The following MYOM2 variants were observed in gnomAD, a reference collection of about 807,000 sequenced individuals.
MYOM2 encodes the protein myomesin-2.
A neutral mutation model predicts 187.6 loss-of-function variants in MYOM2; 254 were observed. That is an observed-to-expected ratio of 1.35 (90% CI 1.22 to 1.50). The LOEUF is 1.50. Among genes scored for constraint, MYOM2 ranks in the 40% most tolerant of loss-of-function variants. The pLI is 0.00. For missense variants in MYOM2, 2,796 were observed against 1,924.0 expected (o/e 1.45, Z -8.48); for synonymous variants, 981 against 753.8 (o/e 1.30, Z -4.94).
chr8:2,109,481 G>A lies in MYOM2; in HGVS notation c.3130G>A (p.Asp1044Asn). The A allele has an allele frequency of 2.5e-6, 4 of 1,613,474 alleles. No homozygotes were observed. The highest frequency in any genetic ancestry group is 3.4e-6 in the Non-Finnish European group (4 of 1,179,700). Reference protein sequence around the residue: ...FWLQAEHLSPDASYRFIINDR... With the variant: ...FWLQAEHLSPNASYRFIINDR... Reference sequence around the variant, plus strand: ...GCTCCAGGCTGAGCACTTATCACCAGATGCCAGCTACCGATTTATTATTAA... The same window carrying A: ...GCTCCAGGCTGAGCACTTATCACCAAATGCCAGCTACCGATTTATTATTAA... Residue 1044 changes from aspartate (D) to asparagine (N), a missense_variant, in exon 25 of 37, where the codon GAT becomes AAT. Asp to Asn is a conservative substitution (Grantham distance 23). Transcript: ENST00000262113.
At position 2,145,425 on chromosome 8, in the gene MYOM2, C is replaced by G. The variant is rs1013292415; in HGVS notation, c.*444C>G. 2.0e-5 allele frequency: 4 copies of G among 203,500 alleles called. No homozygotes were observed. The highest frequency in any genetic ancestry group is 9.4e-5 in the African/African-American group (4 of 42,640). 12.6% of individuals were successfully genotyped at this position (203,500 alleles called of 1,614,324 possible). ...TGTTACCTGGTTAAGCTTGTTTTCT[C>G]TTGCTTTAGGCAAATAAAAGTTTAA... On this transcript the variant is annotated 3_prime_UTR_variant, in exon 37 of 37. Transcript: ENST00000262113.
chr8:2,065,668 C>A (rs1254364532), intron 6 of MYOM2, among the ~76,000 whole-genome samples: 1 of 152,028 alleles, frequency 6.6e-6, no homozygotes, highest in African/African-American at 2.4e-5. Flanking sequence ...TTCTCATTGC[C>A]CAATATTGAA....
At chr8:2,134,444 C>T (rs1003029376) in intron 32 of MYOM2, among the ~76,000 whole-genome samples, 2 of 152,166 alleles carry the variant, frequency 1.3e-5, no homozygotes, top group Admixed American at 6.5e-5. Flanking sequence ...TTCCTGGGAA[C>T]GTTATTATTT....
intron 25 of MYOM2, among the ~76,000 whole-genome samples, chr8:2,110,881 G>A (rs1051364255): frequency 1.3e-5 from 2 of 152,174 alleles, no homozygotes; most frequent in Non-Finnish European, 2.9e-5. Flanking sequence ...TCTCCAGTCA[G>A]TCTTTCCCAT....
chr8:2,098,845 A>G lies in MYOM2; in HGVS notation c.2314-12A>G, dbSNP rs776951796. On this transcript the variant is annotated splice_polypyrimidine_tract_variant and intron_variant, in intron 18 of 36. Transcript: ENST00000262113. ...TTTATCTCATGTATTAATTTAAACA[A>G]AATCTGAATAGGTGGACGGCTTGAC... is the stretch of plus-strand genomic sequence containing the variant. 4 of 1,603,956 alleles carry G rather than the reference A, an allele frequency of 2.5e-6. No homozygotes were observed. The highest frequency in any genetic ancestry group is 3.4e-6 in the Non-Finnish European group (4 of 1,172,360).
chr8:2,086,405 T>TGCGTGGCCCCCTACTGTCGTGATCTCC (rs1796060254), intron 14 of MYOM2, among the ~76,000 whole-genome samples: 1 of 100,314 alleles, frequency 1.0e-5, no homozygotes, highest in Non-Finnish European at 2.1e-5. Context: ...TTGTGATCTC[T>TGCGTGGCCCCCTACTGTCGTGATCTCC]GCGTGGCCTC....
chr8:2,079,975 A>G (rs1819565680), intron 13 of MYOM2, among the ~76,000 whole-genome samples: 1 of 152,172 alleles, frequency 6.6e-6, no homozygotes, highest in Non-Finnish European at 1.5e-5. Context: ...TGTGAAATCG[A>G]TTTCATTTTA....
chr8:2,064,474 C>T (rs537370754), intron 6 of MYOM2, among the ~76,000 whole-genome samples: 85 of 152,258 alleles, frequency 5.6e-4, no homozygotes, highest in African/African-American at 2.0e-3. Context: ...GATCTTTGCT[C>T]CGGTGACGGG....
At chr8:2,100,589 C>T (rs1354506299) in intron 19 of MYOM2, 2 of 420,288 alleles carry the variant, frequency 4.8e-6, no homozygotes, top group Non-Finnish European at 4.4e-6. Context: ...CACACCGTTC[C>T]TCTCTGTGAT....
chr8:2,099,189 G>C (rs181986193), intron 19 of MYOM2, among the ~76,000 whole-genome samples: 1 of 152,370 alleles, frequency 6.6e-6, no homozygotes, highest in African/African-American at 2.4e-5. Context: ...GCGTGGTCCA[G>C]AGGCCAGTGA....
chr8:2,058,946 C>T (rs1298505428), intron 5 of MYOM2, among the ~76,000 whole-genome samples: 1 of 152,226 alleles, frequency 6.6e-6, no homozygotes, highest in Non-Finnish European at 1.5e-5. Flanking sequence ...CCCTGAGAGT[C>T]TGAACGAGGA....
At position 2,144,859 on chromosome 8, in the gene MYOM2, G is replaced by A. The variant is rs775289426; in HGVS notation, c.4276G>A (p.Gly1426Arg). 97 of 1,614,034 alleles carry A rather than the reference G, an allele frequency of 6.0e-5. No homozygotes were observed. The highest frequency in any genetic ancestry group is 7.3e-5 in the Non-Finnish European group (86 of 1,180,046). ...CATCAACATCAAGAATAAGTATGGC[G>A]GGGAGAAGATCGACGTGACAGTGAG... ...YSINIKNKYG[G>R]EKIDVTVSVY... The change falls in exon 37 of 37, where the codon GGG becomes AGG. Residue 1426 changes from glycine to arginine, a missense_variant. Physicochemically the swap from Gly to Arg is moderately radical, Grantham distance 125 (BLOSUM62 -2). Transcript: ENST00000262113.
intron 13 of MYOM2, among the ~76,000 whole-genome samples, chr8:2,083,412 C>T (rs71499059): frequency 0.27 from 40,170 of 150,920 alleles, 5,460 homozygotes; most frequent in East Asian, 0.33. Context: ...AGTGGCATCT[C>T]ACGTGTGCTT....
intron 19 of MYOM2, 136 bp downstream of exon 19, chr8:2,099,119 G>C (rs1447993173): frequency 8.2e-7 from 1 of 1,215,120 alleles, no homozygotes; most frequent in Non-Finnish European, 1.1e-6. Flanking sequence ...CAGAGCCACC[G>C]TGCGCCAGGC....
intron 10 of MYOM2, among the ~76,000 whole-genome samples, chr8:2,075,476 G>T (rs914703786): frequency 1.3e-5 from 2 of 152,162 alleles, no homozygotes; most frequent in African/African-American, 4.8e-5. Flanking sequence ...ATACCCTGAA[G>T]ATATGTGAGC....
At chr8:2,115,192 A>AACAC (rs1797200081) in intron 25 of MYOM2, among the ~76,000 whole-genome samples, 1 of 150,044 alleles carries the variant, frequency 6.7e-6, no homozygotes, top group African/African-American at 2.5e-5. Flanking sequence ...CAAACAAACA[A>AACAC]AACATAAAAA....
intron 32 of MYOM2, among the ~76,000 whole-genome samples, chr8:2,130,495 T>C (rs2116885261): frequency 6.6e-6 from 1 of 152,332 alleles, no homozygotes; most frequent in South Asian, 2.1e-4. Context: ...CAAAGGAAAA[T>C]CAATGGTTAT....
chr8:2,052,401 AG>A, intron 3 of MYOM2, 88 bp downstream of exon 3: 2 of 1,380,148 alleles, frequency 1.4e-6, no homozygotes, highest in Non-Finnish European at 1.9e-6. Flanking sequence ...GAGCGACCTT[AG>A]CTGAGAGGGA....
chr8:2,090,808 T>G (rs1253872639), intron 15 of MYOM2, among the ~76,000 whole-genome samples: 2 of 152,230 alleles, frequency 1.3e-5, no homozygotes, highest in East Asian at 3.9e-4. Flanking sequence ...CTTGTTCTTT[T>G]TTATGGCTGC....
Sources: allele counts gnomAD v4.1 joint callset (sites outside exome capture counted in the v4.1 genomes callset), GRCh38; gene constraint gnomAD v4.1.1; transcripts MANE v1.5; gene names NCBI Gene and HGNC (gene_info 2026-07-23, HGNC 2026-07-21).